CRTC3: variants seen among roughly 807,000 people sequenced by gnomAD.
The protein encoded by CRTC3 is CREB regulated transcription coactivator 3, also known as CREB-regulated transcription coactivator 3.
In CRTC3, 26 loss-of-function variants were observed where a neutral mutation model predicts 74.5. That is an observed-to-expected ratio of 0.35 (90% CI 0.26 to 0.48). The LOEUF is 0.48. Among genes scored for constraint, CRTC3 ranks in the 20% least tolerant of loss-of-function variants. The pLI is 0.99. For synonymous variants in CRTC3, 377 were observed against 325.8 expected (o/e 1.16, Z -1.69); for missense variants, 760 against 787.3 (o/e 0.97, Z 0.41).
At chr15:90,633,077 T>G (rs1271898799) in intron 11 of CRTC3, among the ~76,000 whole-genome samples, 1 of 152,200 alleles carries the variant, frequency 6.6e-6, no homozygotes, top group African/African-American at 2.4e-5. Flanking sequence ...CCTCCTCATT[T>G]ATTATAATTT....
Position 90,623,567 on chromosome 15 carries a change from C to T in CRTC3, c.750-2209C>T, listed in dbSNP as rs535577956. 5.3e-5 allele frequency among the ~76,000 whole-genome samples: 8 copies of T among 152,156 alleles called. No homozygotes were observed. In the South Asian group the frequency reaches 6.2e-4, roughly 12 times the overall value. On this transcript the variant is annotated intron_variant, in intron 9 of 14. Transcript: ENST00000268184. ...AGTCTAGCCTGCCTCTCCCTCCCTG[C>T]GCTCGTGGCCTCCTGCTGGAGCGTT...
Position 90,629,499 on chromosome 15 carries a change from A to C in CRTC3, c.1233A>C (p.Ser411=). The change falls in exon 11 of 15, where the codon TCA becomes TCC. Residue 411 remains serine, a synonymous_variant. Transcript: ENST00000268184. ...AAGGTTTCAGCAGACAGCTGTCTTC[A>C]ACCAGCCCACTGGCCCCATATCCTA... ...AHQGFSRQLS[S]TSPLAPYPTS... 1 of 1,614,082 alleles carries C rather than the reference A, an allele frequency of 6.2e-7. No homozygotes were observed. Among genetic ancestry groups the C allele is most frequent in the Non-Finnish European group, 8.5e-7 (1 of 1,180,010 alleles).
At position 90,607,416 on chromosome 15, in the gene CRTC3, G is replaced by T; in HGVS notation, c.515G>T (p.Ser172Ile). 1 of 1,613,460 alleles carries T rather than the reference G, an allele frequency of 6.2e-7. No homozygotes were observed. Among genetic ancestry groups the T allele is most frequent in the South Asian group, 1.1e-5 (1 of 90,896 alleles). ...SDSALHTSAL[S>I]TKPQDPYGGG... ...TCTGCTCTTCACACGAGTGCTCTGA[G>T]TACCAAGCCCCAGGACCCCTATGGA... Residue 172 changes from serine (S) to isoleucine (I), a missense_variant, in exon 6 of 15, where the codon AGT becomes ATT. By Grantham distance (142) the Ser-to-Ile change is moderately radical. Coordinates refer to ENST00000268184, the MANE Select transcript of CRTC3 (RefSeq NM_022769.5).
chr15:90,606,222 G>A (rs1968216514), intron 5 of CRTC3, among the ~76,000 whole-genome samples: 1 of 151,194 alleles, frequency 6.6e-6, no homozygotes, highest in South Asian at 2.1e-4. Flanking sequence ...ACTGCAGCCT[G>A]GGCGACAAGA....
chr15:90,591,942 A>T (rs989357707), intron 2 of CRTC3, among the ~76,000 whole-genome samples: 2 of 152,228 alleles, frequency 1.3e-5, no homozygotes, highest in Admixed American at 1.3e-4. Context: ...TCCCTATATC[A>T]TAGTGGCTAT....
chr15:90,612,304 C>A (rs1968382499), intron 6 of CRTC3, among the ~76,000 whole-genome samples: 2 of 151,980 alleles, frequency 1.3e-5, no homozygotes, highest in Non-Finnish European at 2.9e-5. Context: ...CATGAGATCA[C>A]CTGTGTAAAG....
Position 90,580,490 on chromosome 15 carries a change from G to T in CRTC3, c.232-13146G>T, listed in dbSNP as rs570210907. Among the ~76,000 whole-genome samples, 36 of 151,220 alleles carry T rather than the reference G, an allele frequency of 2.4e-4. 2 individuals carry two copies. In the South Asian group the frequency reaches 5.8e-3, roughly 25 times the overall value. On this transcript the variant is annotated intron_variant, in intron 2 of 14. Coordinates refer to ENST00000268184, the MANE Select transcript of CRTC3 (RefSeq NM_022769.5). ...GTCACCCAGACTGGAGTGCAGTGGC[G>T]TGATCTTGGCTCACTGCACCTCTGC...
rs1448739273 is a variant in CRTC3 at position 90,645,001 on chromosome 15, C to G, written c.*2861C>G. 3 of 231,926 alleles carry G rather than the reference C, an allele frequency of 1.3e-5. No homozygotes were observed. The highest frequency in any genetic ancestry group is 2.6e-5 in the Non-Finnish European group (3 of 117,340). 14.4% of individuals were successfully genotyped at this position (231,926 alleles called of 1,614,324 possible). A position where few individuals can be genotyped will look rare whatever the true frequency, so the allele number is the denominator to read the frequency against. ...GGGTTTCTTGATCATGTCATGAATT[C>G]TCCTTTGTCCTGTTTCTCCTGTTTC... On this transcript the variant is annotated 3_prime_UTR_variant, in exon 15 of 15. Transcript: ENST00000268184.
At chr15:90,637,325 A>G (rs1969275826) in intron 11 of CRTC3, among the ~76,000 whole-genome samples, 1 of 152,164 alleles carries the variant, frequency 6.6e-6, no homozygotes, top group South Asian at 2.1e-4. Context: ...AACACCACAT[A>G]TTCTCACTCA....
At chr15:90,574,525 A>G (rs181531440) in intron 2 of CRTC3, among the ~76,000 whole-genome samples, 23 of 152,294 alleles carry the variant, frequency 1.5e-4, no homozygotes, top group Non-Finnish European at 2.5e-4. Flanking sequence ...AACATTATGC[A>G]CATACAGTTT....
At position 90,638,757 on chromosome 15, in the gene CRTC3, T is replaced by C. The variant is rs746269306; in HGVS notation, c.1490T>C (p.Phe497Ser). ...AAGGGCTCATCTTTGACCAACTTCT[T>C]CCCAGATGTGGGTTTTGACCAGCAG... ...PAQGSSLTNF[F>S]PDVGFDQQSM... The change falls in exon 13 of 15, where the codon TTC (phenylalanine) becomes TCC (serine). Residue 497 changes from phenylalanine (F) to serine (S), a missense_variant. Around this residue, in one of 2 missense-constraint regions of CRTC3, gnomAD observed 652 missense variants for 635.2 expected, o/e 1.03. Transcript: ENST00000268184. The C allele has an allele frequency of 1.9e-6, 3 of 1,614,212 alleles. No homozygotes were observed. In the Admixed American group the frequency reaches 5.0e-5, roughly 27 times the overall value.
At chr15:90,614,606 T>A (rs907370191) in intron 7 of CRTC3, 118 bp downstream of exon 7, 4 of 681,238 alleles carry the variant, frequency 5.9e-6, no homozygotes, top group Admixed American at 2.8e-5. Flanking sequence ...TGCTGACAAC[T>A]GCTGATTGGC....
At chr15:90,602,460 T>C in intron 4 of CRTC3, 75 bp downstream of exon 4, 1 of 845,864 alleles carries the variant, frequency 1.2e-6, no homozygotes, top group East Asian at 2.5e-5. Context: ...CCACTTTGAA[T>C]GTTGTTTAGA....
intron 2 of CRTC3, among the ~76,000 whole-genome samples, chr15:90,586,529 C>T (rs1967669141): frequency 2.0e-5 from 3 of 151,936 alleles, no homozygotes; most frequent in Admixed American, 2.0e-4. Context: ...CCATGCCCAG[C>T]TAATTTTTGT....
intron 6 of CRTC3, among the ~76,000 whole-genome samples, chr15:90,608,731 C>G (rs550536317): frequency 1.6e-3 from 240 of 152,304 alleles, no homozygotes; most frequent in African/African-American, 5.4e-3. Context: ...CAGAGGAGCC[C>G]GTACTGATGG....
At chr15:90,583,891 A>G (rs1967599757) in intron 2 of CRTC3, among the ~76,000 whole-genome samples, 1 of 151,916 alleles carries the variant, frequency 6.6e-6, no homozygotes, top group South Asian at 2.1e-4. Context: ...TTAACCAAGT[A>G]TGACATCCTT....
intron 8 of CRTC3, 129 bp downstream of exon 8, chr15:90,618,097 A>G (rs564525059): frequency 3.4e-6 from 2 of 594,454 alleles, no homozygotes; most frequent in East Asian, 5.7e-5. Flanking sequence ...GAGAACAGAG[A>G]TAAGAATATA....
Position 90,644,344 on chromosome 15 carries a change from A to G in CRTC3, c.*2204A>G, listed in dbSNP as rs118186983. 0.013 allele frequency: 3,008 copies of G among 230,476 alleles called. 44 individuals are homozygous for G. Among genetic ancestry groups the G allele is most frequent in the Middle Eastern group, 0.02 (15 of 768 alleles). The allele number at this position is 230,476 out of a possible 1,614,324, so 14.3% of individuals were successfully genotyped here. A position where few individuals can be genotyped will look rare whatever the true frequency, so the allele number is the denominator to read the frequency against. ...TCACTCTCAACAGGCGATGGTGCTG[A>G]TGTTTCAAGAATTGTGTTTTTATAA... On this transcript the variant is annotated 3_prime_UTR_variant, in exon 15 of 15. Transcript: ENST00000268184.
intron 3 of CRTC3, among the ~76,000 whole-genome samples, chr15:90,601,245 CA>C (rs1257894217): frequency 1.3e-5 from 2 of 152,156 alleles, no homozygotes; most frequent in Admixed American, 6.5e-5. Context: ...GAATATGCTC[CA>C]AGGCATGGTA....
Sources: allele counts gnomAD v4.1 joint callset (sites outside exome capture counted in the v4.1 genomes callset), GRCh38; gene constraint gnomAD v4.1.1; regional missense constraint gnomAD v4.1.1; transcripts MANE v1.5; gene names NCBI Gene and HGNC (gene_info 2026-07-23, HGNC 2026-07-21).